The following SRGAP1 variants were observed in gnomAD, a reference collection of about 807,000 sequenced individuals.
The protein encoded by SRGAP1 is SLIT-ROBO Rho GTPase-activating protein 1.
Under a neutral mutation model 121.9 loss-of-function variants are expected in SRGAP1, and 43 were observed. The ratio of observed to expected loss-of-function variants is 0.35; its 90% CI spans 0.28 to 0.46. The LOEUF is 0.46. SRGAP1 is among the 20% of genes least tolerant of loss of function. The pLI is 1.00. For missense variants in SRGAP1, 1,102 were observed against 1,350.9 expected (o/e 0.82, Z 2.89); for synonymous variants, 447 against 485.4 (o/e 0.92, Z 1.04).
At chr12:64,066,922 A>G (rs138129838) in intron 8 of SRGAP1, among the ~76,000 whole-genome samples, 310 of 152,226 alleles carry the variant, frequency 2.0e-3, no homozygotes, top group African/African-American at 6.6e-3. Flanking sequence ...TTTTATTTGG[A>G]TAACATTCTC....
At chr12:63,907,114 G>A (rs940458227) in intron 1 of SRGAP1, among the ~76,000 whole-genome samples, 7 of 152,174 alleles carry the variant, frequency 4.6e-5, no homozygotes, top group African/African-American at 1.7e-4. Context: ...TAGTGAATGT[G>A]ATATGATATC....
intron 1 of SRGAP1, among the ~76,000 whole-genome samples, chr12:63,885,966 C>T (rs139121994): frequency 2.0e-4 from 31 of 152,332 alleles, no homozygotes; most frequent in Non-Finnish European, 2.9e-5. Flanking sequence ...CATATCCGAA[C>T]TGATCATGGA....
At position 64,148,612 on chromosome 12, in the gene SRGAP1, A is replaced by AGAT. The variant is rs919070428; in HGVS notation, c.*5941_*5943dup. 1.3e-5 allele frequency: 2 copies of AGAT among 152,218 alleles called. No individual in the cohort carries two copies. Among genetic ancestry groups the AGAT allele is most frequent in the African/African-American group, 2.4e-5 (1 of 41,458 alleles). 9.4% of individuals were successfully genotyped at this position (152,218 alleles called of 1,614,324 possible). ...GTATTTTTCTTTAAATATAAAAAAA[A>AGAT]GATAACTTGAGGTCTAGCAATATGT... On this transcript the variant is annotated 3_prime_UTR_variant, in exon 22 of 22. Coordinates refer to ENST00000355086, the MANE Select transcript of SRGAP1 (RefSeq NM_020762.4).
intron 1 of SRGAP1, among the ~76,000 whole-genome samples, chr12:63,964,966 C>T (rs928604384): frequency 6.6e-5 from 10 of 152,174 alleles, no homozygotes; most frequent in Admixed American, 1.3e-4. Flanking sequence ...TAGGCTTATA[C>T]GGGGAAAAAA....
At chr12:64,025,058 C>T (rs2034623402) in intron 4 of SRGAP1, among the ~76,000 whole-genome samples, 1 of 151,662 alleles carries the variant, frequency 6.6e-6, no homozygotes, top group African/African-American at 2.4e-5. Flanking sequence ...GTAACTTTCA[C>T]AGGAGCGGTT....
chr12:64,022,961 G>A (rs1287974934), intron 4 of SRGAP1, among the ~76,000 whole-genome samples: 3 of 152,060 alleles, frequency 2.0e-5, no homozygotes, highest in Non-Finnish European at 4.4e-5. Flanking sequence ...GTACAGCTGA[G>A]TTGATACAGG....
At chr12:64,136,984 C>A (rs1227127501) in intron 21 of SRGAP1, among the ~76,000 whole-genome samples, 1 of 152,128 alleles carries the variant, frequency 6.6e-6, no homozygotes, top group Non-Finnish European at 1.5e-5. Context: ...TAAAAACAGG[C>A]CAGGCACAGT....
chr12:64,143,487 G>A lies in SRGAP1; in HGVS notation c.*815G>A, dbSNP rs893731704. On this transcript the variant is annotated 3_prime_UTR_variant, in exon 22 of 22. Coordinates refer to ENST00000355086, the MANE Select transcript of SRGAP1 (RefSeq NM_020762.4). ...AGACTTTCTGGTTACACTACTCCACGAACTCCTCCAAAGATCCGTTATTCA... is the reference window on the plus strand; with the variant it reads ...AGACTTTCTGGTTACACTACTCCACAAACTCCTCCAAAGATCCGTTATTCA... 2.6e-5 allele frequency: 4 copies of A among 152,132 alleles called. No homozygotes were observed. Among genetic ancestry groups the A allele is most frequent in the Admixed American group, 6.6e-5 (1 of 15,266 alleles). The allele number at this position is 152,132 out of a possible 1,614,324, so 9.4% of individuals were successfully genotyped here.
chr12:63,958,506 C>G (rs1366524192), intron 1 of SRGAP1, among the ~76,000 whole-genome samples: 2 of 152,072 alleles, frequency 1.3e-5, no homozygotes, highest in Admixed American at 6.6e-5. Context: ...CCTTGTTGAA[C>G]GATGACTTGA....
chr12:63,884,363 A>G (rs548441022), intron 1 of SRGAP1, among the ~76,000 whole-genome samples: 54 of 152,246 alleles, frequency 3.5e-4, no homozygotes, highest in Non-Finnish European at 6.2e-4. Context: ...TTGGATTCCT[A>G]CATTGTTTGA....
chr12:64,022,672 T>C (rs1333419489), intron 4 of SRGAP1, among the ~76,000 whole-genome samples: 2 of 152,206 alleles, frequency 1.3e-5, no homozygotes, highest in Non-Finnish European at 2.9e-5. Flanking sequence ...ATCACAGCTC[T>C]GTCCCTTTCT....
chr12:63,884,549 G>C (rs911450626), intron 1 of SRGAP1, among the ~76,000 whole-genome samples: 1 of 151,980 alleles, frequency 6.6e-6, no homozygotes, highest in East Asian at 1.9e-4. Context: ...ACATTCAAAA[G>C]CCTCTCTTCT....
At chr12:63,888,249 G>A (rs567765321) in intron 1 of SRGAP1, 20 of 152,204 alleles carry the variant, frequency 1.3e-4, no homozygotes, top group Middle Eastern at 6.8e-3. Flanking sequence ...AGCTTCCTCC[G>A]GTCTTCATCT....
At chr12:64,086,947 TACACTCTGCTG>T (rs1317963431) in intron 10 of SRGAP1, 41 bp from the exon 11 acceptor site, 1 of 1,415,530 alleles carries the variant, frequency 7.1e-7, no homozygotes, top group African/African-American at 1.4e-5. Context: ...GAGTACCACA[TACACTCTGCTG>T]ATTCCTTTCA....
At chr12:63,868,343 A>G (rs1899734340) in intron 1 of SRGAP1, among the ~76,000 whole-genome samples, 2 of 151,856 alleles carry the variant, frequency 1.3e-5, no homozygotes, top group South Asian at 2.1e-4. Flanking sequence ...TCAGCCTCCC[A>G]AAGTGTTGGG....
chr12:64,121,716 C>T (rs1334374817), intron 18 of SRGAP1, among the ~76,000 whole-genome samples: 1 of 152,248 alleles, frequency 6.6e-6, no homozygotes, highest in African/African-American at 2.4e-5. Flanking sequence ...AAAGCCCAGC[C>T]ATCTCTCTTC....
intron 1 of SRGAP1, among the ~76,000 whole-genome samples, chr12:63,876,749 AC>A (rs1565931495): frequency 6.6e-6 from 1 of 152,220 alleles, no homozygotes; most frequent in Admixed American, 6.5e-5. Context: ...TCAGTCACCA[AC>A]TAGATCATTT....
At chr12:63,858,436 C>G (rs1024699493) in intron 1 of SRGAP1, among the ~76,000 whole-genome samples, 3 of 151,894 alleles carry the variant, frequency 2.0e-5, no homozygotes, top group African/African-American at 7.3e-5. Flanking sequence ...CTGCCTCGGC[C>G]TTTCAAAGTG....
intron 1 of SRGAP1, among the ~76,000 whole-genome samples, chr12:63,938,864 G>A (rs7969898): frequency 0.84 from 126,763 of 151,572 alleles, 53,260 homozygotes; most frequent in Middle Eastern, 0.91. Flanking sequence ...TTTTTGATAT[G>A]AAAATCTGGG....
Sources: gnomAD v4.1 joint callset for allele counts (sites outside exome capture counted in the v4.1 genomes callset) on GRCh38, gnomAD v4.1.1 for gene constraint, MANE v1.5 for transcripts, NCBI Gene and HGNC (gene_info 2026-07-23, HGNC 2026-07-21) for gene names.